The following CHD9 variants were observed in gnomAD, a reference collection of about 807,000 sequenced individuals.
The protein encoded by CHD9 is ATP-dependent chromatin remodeler CHD9.
A neutral mutation model predicts 316.1 loss-of-function variants in CHD9; 77 were observed. That is an observed-to-expected ratio of 0.24 (90% confidence interval 0.20 to 0.29). The LOEUF is 0.29. Ranked by LOEUF, CHD9 falls within the 10% of genes least tolerant of loss-of-function variation. The probability of loss-of-function intolerance (pLI) is 1.00; values close to 1 mark genes in which losing one functional copy is unlikely to be tolerated. For synonymous variants in CHD9, 1,129 were observed against 1,158.3 expected (o/e 0.97, Z 0.51); for missense variants, 2,763 against 3,438.1 (o/e 0.80, Z 4.91).
chr16:53,110,851 G>A (rs999049636), intron 1 of CHD9, among the ~76,000 whole-genome samples: 2 of 152,196 alleles, frequency 1.3e-5, no homozygotes, highest in Non-Finnish European at 2.9e-5. Context: ...TAAAGACACG[G>A]TGTGGGCCAG....
intron 1 of CHD9, among the ~76,000 whole-genome samples, chr16:53,134,129 A>G (rs2039541302): frequency 6.6e-6 from 1 of 152,206 alleles, no homozygotes; most frequent in Non-Finnish European, 1.5e-5. Flanking sequence ...CTACTGGGGA[A>G]ATTTCATCGG....
intron 1 of CHD9, among the ~76,000 whole-genome samples, chr16:53,140,346 T>G (rs946077475): frequency 6.9e-6 from 1 of 145,518 alleles, no homozygotes; most frequent in African/African-American, 2.6e-5. Context: ...TAATCCCAGC[T>G]ACAGAGGTTG....
In CHD9 at chr16:53,274,201, C is replaced by T; in HGVS notation, c.4878-12C>T. 6.5e-7 allele frequency: 1 copy of T among 1,549,702 alleles called. No homozygotes were observed. The highest frequency in any genetic ancestry group is 8.9e-7 in the Non-Finnish European group (1 of 1,126,308). ...GTCTTTATGCCTTTGATTTATTTTC[C>T]CTTGTTTTTAGGGTTTTGCTTCGTG... On this transcript the variant is annotated splice_polypyrimidine_tract_variant and intron_variant, in intron 23 of 38. Transcript: ENST00000447540.
intron 20 of CHD9, among the ~76,000 whole-genome samples, chr16:53,266,841 T>C (rs1013406862): frequency 1.3e-5 from 2 of 152,206 alleles, no homozygotes; most frequent in African/African-American, 4.8e-5. Flanking sequence ...CGCTGTAAAA[T>C]ATTCATAACC....
intron 1 of CHD9, chr16:53,131,074 G>GCCGCCACCCACCGC (rs1555488320): frequency 2.7e-5 from 4 of 148,294 alleles, no homozygotes; most frequent in African/African-American, 1.0e-4. Flanking sequence ...TGCCGCCGCC[G>GCCGCCACCCACCGC]CCGCCGCTGC....
chr16:53,172,706 T>C (rs1203497803), intron 2 of CHD9, among the ~76,000 whole-genome samples: 1 of 152,208 alleles, frequency 6.6e-6, no homozygotes, highest in Non-Finnish European at 1.5e-5. Context: ...TTTTTAATTT[T>C]AGCCATACTG....
In CHD9 at chr16:53,157,115, A is replaced by C; in HGVS notation, c.1026A>C (p.Ser342=). Residue 342 remains serine, a synonymous_variant, in exon 2 of 39, where the codon TCA becomes TCC. Coordinates refer to ENST00000447540, the MANE Select transcript of CHD9 (RefSeq NM_001308319.2). Reference sequence around the variant, plus strand: ...CAAATAATTTCCAAATATTGCATTCATCACATCCTCAGGGTAATTATAGCA... The same window carrying C: ...CAAATAATTTCCAAATATTGCATTCCTCACATCCTCAGGGTAATTATAGCA... ...LNSNNFQILH[S]SHPQGNYSNS... is the part of the protein sequence containing the mutation. 8 of 1,611,460 alleles carry C rather than the reference A, an allele frequency of 5.0e-6. No individual in the cohort carries two copies. The highest frequency in any genetic ancestry group is 6.8e-6 in the Non-Finnish European group (8 of 1,178,424).
At chr16:53,122,768 G>A (rs2038798893) in intron 1 of CHD9, among the ~76,000 whole-genome samples, 1 of 151,960 alleles carries the variant, frequency 6.6e-6, no homozygotes, top group African/African-American at 2.4e-5. Context: ...GTGCAGTGGA[G>A]CGATCTCCTC....
At chr16:53,153,133 C>G (rs1438713042) in intron 1 of CHD9, among the ~76,000 whole-genome samples, 3 of 152,058 alleles carry the variant, frequency 2.0e-5, no homozygotes, top group Non-Finnish European at 2.9e-5. Flanking sequence ...GCCCTCAGGT[C>G]AGTTTGGTGA....
chr16:53,309,955 T>C (rs370307235), intron 34 of CHD9, among the ~76,000 whole-genome samples: 2 of 152,234 alleles, frequency 1.3e-5, no homozygotes, highest in South Asian at 2.1e-4. Flanking sequence ...ATAAGTGTCT[T>C]GAATTTCCCT....
intron 18 of CHD9, among the ~76,000 whole-genome samples, chr16:53,254,980 TC>T (rs1214302220): frequency 6.6e-6 from 1 of 152,172 alleles, no homozygotes; most frequent in Non-Finnish European, 1.5e-5. Context: ...GGCTTTTTTT[TC>T]GCTCAAGGTT....
chr16:53,080,046 T>C (rs1017436879), intron 1 of CHD9, among the ~76,000 whole-genome samples: 1 of 152,198 alleles, frequency 6.6e-6, no homozygotes, highest in Non-Finnish European at 1.5e-5. Flanking sequence ...TCAACTGGCA[T>C]CTGAAGTGGG....
chr16:53,231,449 G>A lies in CHD9; in HGVS notation c.2317G>A (p.Val773Ile), dbSNP rs375484129. 27 of 1,600,508 alleles carry A rather than the reference G, an allele frequency of 1.7e-5. 1 individual carries two copies. In the South Asian group the frequency reaches 2.2e-4, roughly 13 times the overall value. The change falls in exon 9 of 39, where the codon GTT becomes ATT. Residue 773 changes from valine (V) to isoleucine (I), a missense_variant. By Grantham distance (29) the Val-to-Ile change is conservative. Around this residue, in one of 15 missense-constraint regions of CHD9, gnomAD observed 186 missense variants for 245.0 expected, o/e 0.76. Coordinates refer to ENST00000447540, the MANE Select transcript of CHD9 (RefSeq NM_001308319.2). ...MEEEPFNPDY[V>I]EVDRVLEVSF... is the part of the protein sequence containing the mutation. Reference sequence around the variant, plus strand: ...AGAAGAACCATTTAACCCAGACTACGTTGAAGTAGACAGAGTATTAGAAGT... The same window carrying A: ...AGAAGAACCATTTAACCCAGACTACATTGAAGTAGACAGAGTATTAGAAGT...
intron 1 of CHD9, among the ~76,000 whole-genome samples, chr16:53,076,417 A>T (rs1485562170): frequency 6.6e-6 from 1 of 152,138 alleles, no homozygotes; most frequent in Non-Finnish European, 1.5e-5. Context: ...TCTACTAAAA[A>T]TACAAAAATT....
chr16:53,155,563 A>G (rs2041461518), intron 1 of CHD9, among the ~76,000 whole-genome samples: 1 of 152,204 alleles, frequency 6.6e-6, no homozygotes, highest in Non-Finnish European at 1.5e-5. Context: ...CATACAATTC[A>G]TTCATCTAAA....
intron 1 of CHD9, among the ~76,000 whole-genome samples, chr16:53,061,664 G>T (rs888016760): frequency 2.0e-5 from 3 of 152,194 alleles, no homozygotes; most frequent in Non-Finnish European, 4.4e-5. Context: ...AAAAGGCAGG[G>T]AGACTGGGGT....
chr16:53,055,786 C>G (rs1039346527), intron 1 of CHD9, among the ~76,000 whole-genome samples: 13 of 152,148 alleles, frequency 8.5e-5, no homozygotes, highest in Non-Finnish European at 1.9e-4. Context: ...TCCCCCACCC[C>G]CCACAGTAGG....
chr16:53,160,041 A>G (rs73599583), intron 2 of CHD9, among the ~76,000 whole-genome samples: 4,929 of 152,274 alleles, frequency 0.032, 99 homozygotes, highest in Middle Eastern at 0.071. Flanking sequence ...TGAGTTGAGT[A>G]TTGTGATTTT....
At chr16:53,116,469 T>C (rs574173447) in intron 1 of CHD9, among the ~76,000 whole-genome samples, 1 of 152,304 alleles carries the variant, frequency 6.6e-6, no homozygotes, top group South Asian at 2.1e-4. Flanking sequence ...GGATAAGGTG[T>C]GCTGGATAGA....
Sources: allele counts gnomAD v4.1 joint callset (sites outside exome capture counted in the v4.1 genomes callset), GRCh38; gene constraint gnomAD v4.1.1; regional missense constraint gnomAD v4.1.1; transcripts MANE v1.5; gene names NCBI Gene and HGNC (gene_info 2026-07-23, HGNC 2026-07-21).